Variants in SCMH1 observed in about 807,000 individuals in gnomAD.
SCMH1 encodes Scm polycomb group protein homolog 1.
A neutral mutation model predicts 70.8 loss-of-function variants in SCMH1; 37 were observed. The observed-to-expected ratio is 0.52, with a 90% CI of 0.40 to 0.69. The LOEUF (loss-of-function observed/expected upper bound fraction) is 0.69, where lower values mean the gene tolerates loss of function less well. SCMH1 is among the 30% of genes least tolerant of loss of function. SCMH1 has a pLI of 0.00. For synonymous variants in SCMH1, 292 were observed against 307.4 expected (o/e 0.95, Z 0.52); for missense variants, 607 against 827.3 (o/e 0.73, Z 3.27).
Position 41,160,915 on chromosome 1 carries a change from T to C in SCMH1, c.83-17A>G. The stretch of plus-strand genomic sequence containing the variant: ...CAGCAGCTTCTAGTAAAGAAAAAAA[T>C]GTTGGAGCATAAGTCATTAAGACAA... On this transcript the variant is annotated splice_polypyrimidine_tract_variant and intron_variant, in intron 3 of 14. Transcript: ENST00000337495. 6.5e-7 allele frequency: 1 copy of C among 1,549,612 alleles called. No individual in the cohort carries two copies. The highest frequency in any genetic ancestry group is 8.7e-7 in the Non-Finnish European group (1 of 1,146,216).
intron 1 of SCMH1, among the ~76,000 whole-genome samples, chr1:41,218,997 G>C (rs529159437): frequency 4.6e-5 from 7 of 152,268 alleles, no homozygotes; most frequent in African/African-American, 1.7e-4. Flanking sequence ...GTGACCAGAA[G>C]AACAAACCAT....
Position 41,171,902 on chromosome 1 carries a change from G to A in SCMH1, c.14-10470C>T, listed in dbSNP as rs141890312. The stretch of plus-strand genomic sequence containing the variant: ...GGATACAGCAAAAGCAATATTAAGA[G>A]GAAAGATGGCTGGGCGCGGTGGCTC... On this transcript the variant is annotated intron_variant, in intron 2 of 14. Transcript: ENST00000337495. Among the ~76,000 whole-genome samples the A allele has an allele frequency of 7.6e-4, 115 of 152,192 alleles. 2 individuals are homozygous for A. The East Asian group carries it at 0.02, about 26-fold the overall frequency.
intron 13 of SCMH1, 68 bp downstream of exon 13, chr1:41,037,294 A>C: frequency 4.9e-4 from 648 of 1,310,254 alleles, no homozygotes; most frequent in Non-Finnish European, 6.1e-4. Flanking sequence ...CTGGCCTCCC[A>C]GAGCTCAGGA....
intron 1 of SCMH1, among the ~76,000 whole-genome samples, chr1:41,189,688 T>G (rs1202408841): frequency 6.6e-6 from 1 of 152,222 alleles, no homozygotes; most frequent in Non-Finnish European, 1.5e-5. Flanking sequence ...GTCCCCCTGC[T>G]CCACTTGCTT....
At chr1:41,140,175 G>A (rs1557622564) in intron 6 of SCMH1, among the ~76,000 whole-genome samples, 1 of 152,186 alleles carries the variant, frequency 6.6e-6, no homozygotes, top group Non-Finnish European at 1.5e-5. Flanking sequence ...TGGAGAACTA[G>A]GGTTTTGTTG....
At chr1:41,234,402 G>C (rs1360952152) in intron 1 of SCMH1, among the ~76,000 whole-genome samples, 2 of 143,640 alleles carry the variant, frequency 1.4e-5, no homozygotes, top group African/African-American at 5.1e-5. Context: ...GATTACTTTA[G>C]CTATGATCAC....
chr1:41,193,372 T>C (rs2148676976), intron 1 of SCMH1, among the ~76,000 whole-genome samples: 1 of 152,256 alleles, frequency 6.6e-6, no homozygotes, highest in East Asian at 1.9e-4. Flanking sequence ...CAAATAAGTG[T>C]AAGTCCCTGT....
chr1:41,230,837 A>AT (rs530740784), intron 1 of SCMH1, among the ~76,000 whole-genome samples: 15 of 152,196 alleles, frequency 9.9e-5, no homozygotes, highest in Middle Eastern at 6.8e-3. Flanking sequence ...ATTCAATATA[A>AT]TTTTTTTGGC....
chr1:41,162,199 C>T (rs1003064618), intron 2 of SCMH1, among the ~76,000 whole-genome samples: 3 of 152,196 alleles, frequency 2.0e-5, no homozygotes, highest in Non-Finnish European at 1.5e-5. Flanking sequence ...AGCCAGGACC[C>T]CTCTTCCCTC....
At chr1:41,039,551 T>C (rs1645812681) in intron 12 of SCMH1, among the ~76,000 whole-genome samples, 1 of 151,536 alleles carries the variant, frequency 6.6e-6, no homozygotes, top group African/African-American at 2.4e-5. Context: ...CTCACTGCAC[T>C]CCTCTGCAAC....
At chr1:41,057,890 G>A (rs1432264154) in intron 10 of SCMH1, among the ~76,000 whole-genome samples, 1 of 152,078 alleles carries the variant, frequency 6.6e-6, no homozygotes, top group East Asian at 1.9e-4. Flanking sequence ...GGGGGTCAAG[G>A]CCAGTGGATT....
chr1:41,070,715 G>A, exon 10 of SCMH1: 2 of 1,613,954 alleles, frequency 1.2e-6, no homozygotes, highest in East Asian at 4.5e-5. Flanking sequence ...AAAGTCCGAG[G>A]TTTCCTCTGT....
At chr1:41,121,038 T>C (rs1671808777) in intron 6 of SCMH1, among the ~76,000 whole-genome samples, 1 of 152,172 alleles carries the variant, frequency 6.6e-6, no homozygotes, top group African/African-American at 2.4e-5. Context: ...CTGCCTGAAT[T>C]TAAATCCAGC....
chr1:41,161,924 C>T (rs1646066982), intron 2 of SCMH1, among the ~76,000 whole-genome samples: 1 of 152,216 alleles, frequency 6.6e-6, no homozygotes, highest in Non-Finnish European at 1.5e-5. Flanking sequence ...GTGATGGCAG[C>T]GGTGGGCCAT....
At chr1:41,095,694 A>G (rs1346895220) in intron 8 of SCMH1, among the ~76,000 whole-genome samples, 1 of 152,226 alleles carries the variant, frequency 6.6e-6, no homozygotes, top group African/African-American at 2.4e-5. Context: ...TCAAATGAGC[A>G]GATTTGGCTC....
chr1:41,124,745 C>A (rs1281895789), intron 6 of SCMH1, among the ~76,000 whole-genome samples: 1 of 151,880 alleles, frequency 6.6e-6, no homozygotes, highest in Non-Finnish European at 1.5e-5. Context: ...AGGGTGTGCA[C>A]CACCACACCT....
intron 2 of SCMH1, among the ~76,000 whole-genome samples, chr1:41,164,331 C>T (rs1490195862): frequency 6.6e-6 from 1 of 152,072 alleles, no homozygotes; most frequent in East Asian, 1.9e-4. Context: ...GAAATCATAC[C>T]ACATTTCTAC....
At chr1:41,222,725 G>A (rs1659542716) in intron 1 of SCMH1, among the ~76,000 whole-genome samples, 1 of 152,154 alleles carries the variant, frequency 6.6e-6, no homozygotes, top group Non-Finnish European at 1.5e-5. Context: ...TTCATTTCTG[G>A]AAAGGGGTAA....
chr1:41,207,001 G>T (rs1218937486), intron 1 of SCMH1, among the ~76,000 whole-genome samples: 1 of 152,184 alleles, frequency 6.6e-6, no homozygotes, highest in Non-Finnish European at 1.5e-5. Flanking sequence ...CAGAGATTTT[G>T]TCACCACCAG....
Sources: allele counts gnomAD v4.1 joint callset (sites outside exome capture counted in the v4.1 genomes callset), GRCh38; gene constraint gnomAD v4.1.1; transcripts MANE v1.5; gene names NCBI Gene and HGNC (gene_info 2026-07-23, HGNC 2026-07-21).